SPATA4: variants seen among roughly 807,000 people sequenced by gnomAD.
The protein encoded by SPATA4 is spermatogenesis associated 4, also known as spermatogenesis-associated protein 4.
Under a neutral mutation model 31.8 loss-of-function variants are expected in SPATA4, and 35 were observed. The ratio of observed to expected loss-of-function variants is 1.10; its 90% confidence interval spans 0.84 to 1.46. The LOEUF (loss-of-function observed/expected upper bound fraction) is 1.46. Among genes scored for constraint, SPATA4 ranks in the 40% most tolerant of loss-of-function variants. The probability of loss-of-function intolerance (pLI) is 0.00; values close to 1 mark genes in which losing one functional copy is unlikely to be tolerated. For missense variants in SPATA4, 394 were observed against 363.1 expected (o/e 1.09, Z -0.69); for synonymous variants, 126 against 132.4 (o/e 0.95, Z 0.33).
Position 176,188,203 on chromosome 4 carries a change from CT to C in SPATA4, c.720del (p.Val241LeufsTer17), listed in dbSNP as rs1485689634. ...TGGGCAGGAAGGTGATTGAGAGTAA[CT>C]TCTCCCACTGTTGGTTTCACATCAA... is the stretch of plus-strand genomic sequence containing the variant. ...EWFDVKPTVG[E>X]VTLNHLPAQA... On this transcript the variant is annotated frameshift_variant, in exon 5 of 6. Coordinates refer to ENST00000280191, the MANE Select transcript of SPATA4 (RefSeq NM_144644.4). LOFTEE classifies it high-confidence loss of function. The C allele has an allele frequency of 1.2e-6, 2 of 1,612,326 alleles. No homozygotes were observed. Among genetic ancestry groups the C allele is most frequent in the Non-Finnish European group, 1.7e-6 (2 of 1,179,446 alleles).
chr4:176,188,017 C>T (rs1164850749), intron 5 of SPATA4, 102 bp downstream of exon 5: 1 of 825,132 alleles, frequency 1.2e-6, no homozygotes, highest in South Asian at 1.5e-5. Flanking sequence ...TGAATGTTGA[C>T]CTATACCAAC....
intron 5 of SPATA4, among the ~76,000 whole-genome samples, chr4:176,185,872 A>G (rs997745287): frequency 5.9e-5 from 9 of 152,318 alleles, no homozygotes; most frequent in East Asian, 3.9e-4. Flanking sequence ...ACCTTGTCCA[A>G]TGAAGGCTTC....
intron 4 of SPATA4, 47 bp downstream of exon 4, chr4:176,192,580 G>C: frequency 3.3e-6 from 5 of 1,500,230 alleles, no homozygotes; most frequent in Non-Finnish European, 4.6e-6. Flanking sequence ...CTCAAGAATA[G>C]CCTGATAGAG....
chr4:176,193,708 G>C, intron 1 of SPATA4, 126 bp from the exon 2 acceptor site: 9 of 1,029,500 alleles, frequency 8.7e-6, no homozygotes, highest in Non-Finnish European at 1.2e-5. Flanking sequence ...TTGTTGGATC[G>C]TTGCTCTAAG....
Position 176,195,407 on chromosome 4 carries a change from A to G in SPATA4, c.156T>C (p.Ser52=). ...YPHAPKSSRL[S]RSVLRWLQGL... ...CCTGAAGCCAACGCAGAACGGAACG[A>G]GACAAGCGGGAGCTCTTCGGCGCAT... The change falls in exon 1 of 6, where the codon TCT becomes TCC. Residue 52 remains serine (S), a synonymous_variant. Transcript: ENST00000280191. 1 of 1,614,254 alleles carries G rather than the reference A, an allele frequency of 6.2e-7. No individual in the cohort carries two copies. Among genetic ancestry groups the G allele is most frequent in the Non-Finnish European group, 8.5e-7 (1 of 1,180,056 alleles).
At chr4:176,189,808 G>A (rs375014214) in intron 4 of SPATA4, among the ~76,000 whole-genome samples, 6 of 152,314 alleles carry the variant, frequency 3.9e-5, no homozygotes, top group South Asian at 2.1e-4. Flanking sequence ...TGAAGTAACA[G>A]TGTAGCAGGA....
rs1024664805 is a variant in SPATA4, at chr4:176,184,689, T to C, written c.*91A>G. The C allele has an allele frequency of 5.0e-5, 31 of 616,066 alleles. No homozygotes were observed. In the African/African-American group the frequency reaches 5.5e-4, roughly 11 times the overall value. The allele number at this position is 616,066 out of a possible 1,614,324, so 38.2% of individuals were successfully genotyped here. A position where few individuals can be genotyped will look rare whatever the true frequency, so the allele number is the denominator to read the frequency against. On this transcript the variant is annotated 3_prime_UTR_variant, in exon 6 of 6. Transcript: ENST00000280191. ...GGAAAAGACACCACTCTATTTATTA[T>C]TGAAATACATCCAATACTAGGTGAT... is the stretch of plus-strand genomic sequence containing the variant.
At chr4:176,192,015 A>C (rs1371684692) in intron 4 of SPATA4, among the ~76,000 whole-genome samples, 1 of 152,202 alleles carries the variant, frequency 6.6e-6, no homozygotes, top group South Asian at 2.1e-4. Context: ...TCAATACATG[A>C]GTGGTATCCT....
At chr4:176,190,547 T>G (rs1306341369) in intron 4 of SPATA4, among the ~76,000 whole-genome samples, 1 of 152,198 alleles carries the variant, frequency 6.6e-6, no homozygotes, top group African/African-American at 2.4e-5. Context: ...CTGGAAGTTC[T>G]GGGGATGAAT....
At chr4:176,187,647 T>G (rs1479974620) in intron 5 of SPATA4, among the ~76,000 whole-genome samples, 2 of 152,206 alleles carry the variant, frequency 1.3e-5, no homozygotes, top group African/African-American at 2.4e-5. Flanking sequence ...TTGTGAACTA[T>G]ACAAAAACAG....
At chr4:176,188,035 CTATT>C (rs1211566921) in intron 5 of SPATA4, 80 bp downstream of exon 5, 69 of 968,294 alleles carry the variant, frequency 7.1e-5, no homozygotes, top group Admixed American at 3.4e-4. Flanking sequence ...AACATTTTAA[CTATT>C]TAACCGTTTT....
chr4:176,184,936 C>A, intron 5 of SPATA4, 44 bp from the exon 6 acceptor site: 1 of 1,200,170 alleles, frequency 8.3e-7, no homozygotes, highest in Non-Finnish European at 1.2e-6. Flanking sequence ...TTCATGGTTA[C>A]TAAATATTCA....
intron 4 of SPATA4, among the ~76,000 whole-genome samples, chr4:176,189,273 G>T (rs1227257542): frequency 6.6e-6 from 1 of 152,100 alleles, no homozygotes; most frequent in East Asian, 1.9e-4. Flanking sequence ...GGTCCTTGCA[G>T]TTTCAGGAAG....
intron 5 of SPATA4, among the ~76,000 whole-genome samples, chr4:176,185,924 G>A (rs1192050004): frequency 6.6e-6 from 1 of 152,098 alleles, no homozygotes; most frequent in Non-Finnish European, 1.5e-5. Flanking sequence ...AGACTATTGA[G>A]ATGAAAGTGA....
chr4:176,185,316 CTCAGT>C (rs1216825612), intron 5 of SPATA4, among the ~76,000 whole-genome samples: 1 of 152,164 alleles, frequency 6.6e-6, no homozygotes, highest in Non-Finnish European at 1.5e-5. Flanking sequence ...CTGTAGGTCA[CTCAGT>C]TCTAATGGGA....
rs1332139402 is a variant in SPATA4 at position 176,188,200 on chromosome 4, T to C, written c.724A>G (p.Thr242Ala). 1 of 1,612,702 alleles carries C rather than the reference T, an allele frequency of 6.2e-7. No individual in the cohort carries two copies. The change falls in exon 5 of 6, where the codon ACT (threonine) becomes GCT (alanine). Residue 242 changes from threonine to alanine, a missense_variant. By Grantham distance (58) the Thr-to-Ala change is moderately conservative (BLOSUM62 0). Coordinates refer to ENST00000280191, the MANE Select transcript of SPATA4 (RefSeq NM_144644.4). ...GCTTGGGCAGGAAGGTGATTGAGAG[T>C]AACTTCTCCCACTGTTGGTTTCACA... is the stretch of plus-strand genomic sequence containing the variant. Reference protein sequence around the residue: ...FDVKPTVGEVTLNHLPAQASG... With the variant: ...FDVKPTVGEVALNHLPAQASG...
At chr4:176,188,580 A>G (rs2126922224) in intron 4 of SPATA4, among the ~76,000 whole-genome samples, 1 of 152,338 alleles carries the variant, frequency 6.6e-6, no homozygotes, top group South Asian at 2.1e-4. Flanking sequence ...AGATCAAGAA[A>G]TGATGTGTTA....
intron 4 of SPATA4, among the ~76,000 whole-genome samples, chr4:176,189,611 T>C (rs1436937498): frequency 6.6e-6 from 1 of 152,162 alleles, no homozygotes; most frequent in African/African-American, 2.4e-5. Context: ...TCAACACTAA[T>C]TATAAAGCAA....
chr4:176,195,092 T>C (rs1752593198), intron 1 of SPATA4, among the ~76,000 whole-genome samples: 3 of 152,238 alleles, frequency 2.0e-5, no homozygotes, highest in Admixed American at 1.3e-4. Context: ...ACTATTTTAA[T>C]ATTTTTGTAG....
Sources: allele counts gnomAD v4.1 joint callset (sites outside exome capture counted in the v4.1 genomes callset), GRCh38; gene constraint gnomAD v4.1.1; transcripts MANE v1.5; gene names NCBI Gene and HGNC (gene_info 2026-07-23, HGNC 2026-07-21).